The following AGO3 variants were observed in gnomAD, a reference collection of about 807,000 sequenced individuals.
AGO3 encodes argonaute RISC catalytic component 3.
Under a neutral mutation model 105.5 loss-of-function variants are expected in AGO3, and 16 were observed. That is an observed-to-expected ratio of 0.15 (90% CI 0.10 to 0.23). The LOEUF (loss-of-function observed/expected upper bound fraction) is 0.23, where lower values mean the gene tolerates loss of function less well. Ranked by LOEUF, AGO3 falls within the 10% of genes least tolerant of loss-of-function variation. The pLI, the probability that AGO3 is intolerant of heterozygous loss-of-function variation, is 1.00. For synonymous variants in AGO3, 340 were observed against 367.3 expected (o/e 0.93, Z 0.85); for missense variants, 534 against 1,088.0 (o/e 0.49, Z 7.16).
chr1:35,952,038 T>A (rs920766165), intron 2 of AGO3, among the ~76,000 whole-genome samples: 2 of 152,128 alleles, frequency 1.3e-5, no homozygotes, highest in Admixed American at 1.3e-4. Flanking sequence ...TCACTGCCCA[T>A]TAGTCCCTCC....
Position 36,050,951 on chromosome 1 carries a change from C to T in AGO3, c.2275-3995C>T, listed in dbSNP as rs117965072. ...AAGTGATCCTCCCACATCAGCCTCC[C>T]GAGTAGCTAGGGCCACAGACACATG... On this transcript the variant is annotated intron_variant, in intron 17 of 18. Coordinates refer to ENST00000373191, the MANE Select transcript of AGO3 (RefSeq NM_024852.4). Among the ~76,000 whole-genome samples the T allele has an allele frequency of 5.3e-4, 80 of 152,150 alleles. 1 individual carries two copies. The East Asian group carries it at 0.013, about 24-fold the overall frequency.
chr1:35,990,116 T>C (rs1361694723), intron 5 of AGO3, among the ~76,000 whole-genome samples: 1 of 152,196 alleles, frequency 6.6e-6, no homozygotes, highest in Non-Finnish European at 1.5e-5. Flanking sequence ...TCAACTCTTC[T>C]GACTCCAGTG....
chr1:36,034,043 T>C lies in AGO3; in HGVS notation c.1592-131T>C, dbSNP rs138941944. ...TTAACAGCATCGCCTTAGTACTGTA[T>C]TGGCATAATTTTTGGTATCCTGTAA... is the stretch of plus-strand genomic sequence containing the variant. On this transcript the variant is annotated intron_variant, in intron 12 of 18. Coordinates refer to ENST00000373191, the MANE Select transcript of AGO3 (RefSeq NM_024852.4). The C allele has an allele frequency of 1.6e-3, 1,279 of 801,094 alleles. 9 individuals are homozygous for C. The highest frequency in any genetic ancestry group is 0.016 in the East Asian group (505 of 32,260). 49.6% of individuals were successfully genotyped at this position (801,094 alleles called of 1,614,324 possible).
chr1:36,030,149 G>A (rs1259956682), intron 12 of AGO3, among the ~76,000 whole-genome samples: 2 of 152,088 alleles, frequency 1.3e-5, no homozygotes, highest in Non-Finnish European at 2.9e-5. Flanking sequence ...ATTATAAACT[G>A]AAATTTAGTA....
chr1:35,986,381 A>C (rs919129243), intron 5 of AGO3, among the ~76,000 whole-genome samples: 1 of 152,228 alleles, frequency 6.6e-6, no homozygotes, highest in African/African-American at 2.4e-5. Context: ...TATATGTATC[A>C]ATGTGAATTA....
chr1:36,009,203 A>T (rs1300825142), intron 8 of AGO3, among the ~76,000 whole-genome samples, 159 bp downstream of exon 8: 1 of 151,976 alleles, frequency 6.6e-6, no homozygotes, highest in African/African-American at 2.4e-5. Flanking sequence ...ATAACACGAA[A>T]CAAGTTCATC....
rs201667153 is a variant in AGO3, at chr1:36,000,770, A to AAT, written c.659-3558_659-3557dup. Among the ~76,000 whole-genome samples, 694 of 150,708 alleles carry AAT rather than the reference A, an allele frequency of 4.6e-3. 9 individuals carry two copies. The highest frequency in any genetic ancestry group is 0.015 in the African/African-American group (624 of 41,228). On this transcript the variant is annotated intron_variant, in intron 5 of 18. Coordinates refer to ENST00000373191, the MANE Select transcript of AGO3 (RefSeq NM_024852.4). ...CCAACATTTTTCAGTAGAAGAATAT[A>AAT]ATATATATATATATTTAAAACTATT...
intron 17 of AGO3, among the ~76,000 whole-genome samples, chr1:36,048,954 G>T (rs1380770263): frequency 6.6e-6 from 1 of 152,184 alleles, no homozygotes; most frequent in Admixed American, 6.5e-5. Flanking sequence ...CAATCCACCT[G>T]CCTCATCCTT....
intron 10 of AGO3, 22 bp from the exon 11 acceptor site, chr1:36,013,890 ATGT>A: frequency 6.2e-7 from 1 of 1,601,768 alleles, no homozygotes; most frequent in African/African-American, 1.3e-5. Flanking sequence ...CTTTTTCACC[ATGT>A]TATTTTTTTC....
intron 5 of AGO3, among the ~76,000 whole-genome samples, chr1:35,977,419 G>A (rs1180395708): frequency 6.9e-6 from 1 of 145,588 alleles, no homozygotes; most frequent in African/African-American, 2.5e-5. Flanking sequence ...TTGAGACAGG[G>A]TCTTGCTCTG....
In AGO3 at chr1:36,063,417, G is replaced by T. The variant is rs1643048349; in HGVS notation, c.*7672G>T. Reference sequence around the variant, plus strand: ...ACTGCTTAAATGGTCACATTTTTCAGCATTAGGATTAAGATACCATTTTTG... The same window carrying T: ...ACTGCTTAAATGGTCACATTTTTCATCATTAGGATTAAGATACCATTTTTG... On this transcript the variant is annotated 3_prime_UTR_variant, in exon 19 of 19. Transcript: ENST00000373191. 1 of 151,772 alleles carries T rather than the reference G, an allele frequency of 6.6e-6. No homozygotes were observed. 9.4% of individuals were successfully genotyped at this position (151,772 alleles called of 1,614,324 possible). A position where few individuals can be genotyped will look rare whatever the true frequency, so the allele number is the denominator to read the frequency against.
intron 5 of AGO3, among the ~76,000 whole-genome samples, chr1:35,998,242 T>G (rs1639930225): frequency 1.3e-5 from 2 of 152,174 alleles, no homozygotes; most frequent in African/African-American, 4.8e-5. Context: ...TTAATTTTAA[T>G]TATATGAGTA....
chr1:36,053,962 T>A (rs1166520841), intron 17 of AGO3, among the ~76,000 whole-genome samples: 1 of 151,714 alleles, frequency 6.6e-6, no homozygotes, highest in East Asian at 1.9e-4. Context: ...TTAGCCAGGA[T>A]GGTCTTGATC....
At chr1:35,995,229 T>C (rs1279951957) in intron 5 of AGO3, among the ~76,000 whole-genome samples, 1 of 145,912 alleles carries the variant, frequency 6.9e-6, no homozygotes, top group Non-Finnish European at 1.5e-5. Flanking sequence ...TATATATATA[T>C]ATATATATTA....
intron 12 of AGO3, among the ~76,000 whole-genome samples, chr1:36,032,365 T>C (rs1641818201): frequency 6.6e-6 from 1 of 152,164 alleles, no homozygotes; most frequent in Non-Finnish European, 1.5e-5. Flanking sequence ...TTATCTTCTT[T>C]AGAGAAATGT....
chr1:35,974,986 T>C (rs1380791767), intron 5 of AGO3, among the ~76,000 whole-genome samples: 1 of 152,190 alleles, frequency 6.6e-6, no homozygotes, highest in African/African-American at 2.4e-5. Flanking sequence ...TACCATTGTG[T>C]AATATATGAT....
rs773912134 is a variant in AGO3, at chr1:36,055,776, A to G, written c.*31A>G. On this transcript the variant is annotated 3_prime_UTR_variant, in exon 19 of 19. Coordinates refer to ENST00000373191, the MANE Select transcript of AGO3 (RefSeq NM_024852.4). This position sits in a 1 kb window ranked among gnomAD's most constrained non-coding sequence, Gnocchi z 4.4. ...CCAAGTATATTCTCTGAGAGGAAGT[A>G]CTGAAAGATGAATTGACATACAACG... 1 of 1,604,184 alleles carries G rather than the reference A, an allele frequency of 6.2e-7. No individual in the cohort carries two copies. Among genetic ancestry groups the G allele is most frequent in the South Asian group, 1.1e-5 (1 of 90,770 alleles).
intron 5 of AGO3, among the ~76,000 whole-genome samples, chr1:35,977,284 G>T (rs926610402): frequency 2.0e-5 from 3 of 147,924 alleles, no homozygotes; most frequent in South Asian, 2.2e-4. Context: ...GTCTGTTCAG[G>T]CTGTTTAGGT....
In AGO3 at chr1:36,055,471, G is replaced by GC. The variant is rs1326536141; in HGVS notation, c.2475-164dup. On this transcript the variant is annotated intron_variant, in intron 18 of 18. Transcript: ENST00000373191. The surrounding 1 kb of genome is among the most constrained non-coding windows in gnomAD (Gnocchi z 4.4). ...AGGTGAGAGAAGTAAAACAAAATTG[G>GC]CCTTGAGTTAATAGTGATTGAAGCT... Among the ~76,000 whole-genome samples the GC allele has an allele frequency of 6.6e-5, 10 of 152,144 alleles. No individual in the cohort carries two copies. The highest frequency in any genetic ancestry group is 2.2e-4 in the African/African-American group (9 of 41,428).
Sources: allele counts gnomAD v4.1 joint callset (sites outside exome capture counted in the v4.1 genomes callset), GRCh38; gene constraint gnomAD v4.1.1; non-coding constraint Gnocchi (gnomAD v3.1); transcripts MANE v1.5; gene names NCBI Gene and HGNC (gene_info 2026-07-23, HGNC 2026-07-21).